The following TRIM2 variants were observed in gnomAD, a reference collection of about 807,000 sequenced individuals.
The protein encoded by TRIM2 is tripartite motif-containing protein 2.
Under a neutral mutation model 75.2 loss-of-function variants are expected in TRIM2, and 20 were observed. The ratio of observed to expected loss-of-function variants is 0.27; its 90% CI spans 0.19 to 0.39. The LOEUF (loss-of-function observed/expected upper bound fraction) is 0.39. Ranked by LOEUF, TRIM2 falls within the 10% of genes least tolerant of loss-of-function variation. The pLI is 1.00. For missense variants in TRIM2, 660 were observed against 990.8 expected (o/e 0.67, Z 4.48); for synonymous variants, 373 against 388.3 (o/e 0.96, Z 0.46).
At chr4:153,228,751 C>T (rs1314857797) in intron 1 of TRIM2, among the ~76,000 whole-genome samples, 1 of 152,270 alleles carries the variant, frequency 6.6e-6, no homozygotes, top group Non-Finnish European at 1.5e-5. Flanking sequence ...ACGCGGCAGT[C>T]ATAGTCATGT....
rs144406159 is a variant in TRIM2, at chr4:153,170,243, TA to T, written c.-49+16975del. ...TATACAGTAACTTTCATTCTGATTG[TA>T]ACAAACAAGTTAATCTACATTGACA... On this transcript the variant is annotated intron_variant, in intron 1 of 11. Coordinates refer to the TRIM2 transcript ENST00000437508. 4.5e-3 allele frequency among the ~76,000 whole-genome samples: 685 copies of T among 152,354 alleles called. 4 individuals are homozygous for T. The highest frequency in any genetic ancestry group is 7.3e-3 in the Non-Finnish European group (497 of 68,028).
At chr4:153,293,528 C>T (rs1033904005) in intron 4 of TRIM2, among the ~76,000 whole-genome samples, 3 of 152,196 alleles carry the variant, frequency 2.0e-5, no homozygotes, top group African/African-American at 7.2e-5. Context: ...TCCTTTCTGT[C>T]TGAGCTCTGC....
chr4:153,177,548 AG>A (rs1033166375), intron 1 of TRIM2, among the ~76,000 whole-genome samples: 15 of 152,252 alleles, frequency 9.9e-5, no homozygotes, highest in African/African-American at 3.6e-4. Flanking sequence ...TGGGAGGCTG[AG>A]GCAGGAGAAT....
chr4:153,190,174 T>A (rs1349918986), intron 1 of TRIM2, among the ~76,000 whole-genome samples: 1 of 152,144 alleles, frequency 6.6e-6, no homozygotes, highest in Non-Finnish European at 1.5e-5. Context: ...GATTCAAGAA[T>A]GAAGGGTGTT....
intron 1 of TRIM2, chr4:153,222,528 T>C (rs1284019858): frequency 1.3e-5 from 2 of 152,226 alleles, no homozygotes; most frequent in Non-Finnish European, 1.5e-5. Flanking sequence ...GTGTTTGTTT[T>C]CATGCTCTTT....
At chr4:153,189,272 C>A (rs1452043605) in intron 1 of TRIM2, among the ~76,000 whole-genome samples, 3 of 152,218 alleles carry the variant, frequency 2.0e-5, no homozygotes, top group African/African-American at 7.2e-5. Context: ...AGCAGGAAAT[C>A]TAATCCAAAA....
intron 1 of TRIM2, chr4:153,222,311 A>T (rs906669746): frequency 1.3e-5 from 2 of 152,170 alleles, no homozygotes; most frequent in African/African-American, 4.8e-5. Flanking sequence ...CAGCCCCGTC[A>T]AGCTGAACTC....
At chr4:153,283,637 T>C (rs1759860476) in intron 3 of TRIM2, among the ~76,000 whole-genome samples, 1 of 134,792 alleles carries the variant, frequency 7.4e-6, no homozygotes, top group Admixed American at 7.5e-5. Context: ...TCAACTGTTT[T>C]TTTTCTTTTT....
In TRIM2 at chr4:153,336,347, C is replaced by CA. The variant is rs5863039; in HGVS notation, c.*1392dup. The stretch of plus-strand genomic sequence containing the variant: ...GTCAGAAAATGGCCTTCTGTGCTTT[C>CA]AAAAAAAAAAACAAAAAAAAAACCA... On this transcript the variant is annotated 3_prime_UTR_variant, in exon 12 of 12. Coordinates refer to ENST00000338700, the MANE Select transcript of TRIM2 (RefSeq NM_015271.5). 0.012 allele frequency: 9,300 copies of CA among 760,132 alleles called. 1 individual carries two copies. The highest frequency in any genetic ancestry group is 0.014 in the Non-Finnish European group (8,649 of 634,036). 47.1% of individuals were successfully genotyped at this position (760,132 alleles called of 1,614,324 possible).
chr4:153,190,764 G>T (rs775627428), intron 1 of TRIM2, among the ~76,000 whole-genome samples: 2 of 152,082 alleles, frequency 1.3e-5, no homozygotes, highest in Non-Finnish European at 2.9e-5. Context: ...TTGAGATGGA[G>T]TCTCACTCTG....
intron 1 of TRIM2, among the ~76,000 whole-genome samples, chr4:153,173,682 A>T (rs1731110808): frequency 6.6e-6 from 1 of 151,022 alleles, no homozygotes; most frequent in Non-Finnish European, 1.5e-5. Flanking sequence ...AATAATAATA[A>T]TAAGGCCGGA....
intron 6 of TRIM2, among the ~76,000 whole-genome samples, chr4:153,296,881 T>C (rs1211721154): frequency 6.6e-6 from 1 of 152,232 alleles, no homozygotes; most frequent in East Asian, 1.9e-4. Flanking sequence ...CAATGCAGTA[T>C]CTCTGAAAGA....
At chr4:153,235,912 A>T (rs571570395) in intron 1 of TRIM2, among the ~76,000 whole-genome samples, 2 of 152,046 alleles carry the variant, frequency 1.3e-5, no homozygotes, top group South Asian at 4.2e-4. Context: ...GACCACCTAA[A>T]CTATGATTAC....
intron 3 of TRIM2, among the ~76,000 whole-genome samples, chr4:153,277,589 C>T (rs969133785): frequency 6.6e-6 from 1 of 152,144 alleles, no homozygotes; most frequent in Non-Finnish European, 1.5e-5. Context: ...TCCTTAAACC[C>T]CCCTCTGCAA....
Position 153,328,625 on chromosome 4 carries a change from A to C in TRIM2, c.2118A>C (p.Ser706=). The part of the protein sequence containing the change: ...FNAPTGVAVD[S]NGNIIVADWG... ...CTCCAACAGGTGTAGCAGTGGATTCAAATGGAAACATCATTGTGGCCGACT... is the reference window on the plus strand; with the variant it reads ...CTCCAACAGGTGTAGCAGTGGATTCCAATGGAAACATCATTGTGGCCGACT... The change falls in exon 11 of 12, where the codon TCA becomes TCC. Residue 706 remains serine, a synonymous_variant. Transcript: ENST00000338700. 1 of 1,611,982 alleles carries C rather than the reference A, an allele frequency of 6.2e-7. No homozygotes were observed. Among genetic ancestry groups the C allele is most frequent in the Non-Finnish European group, 8.5e-7 (1 of 1,179,100 alleles).
chr4:153,211,495 T>C (rs1251055703), intron 1 of TRIM2, among the ~76,000 whole-genome samples: 38 of 149,932 alleles, frequency 2.5e-4, no homozygotes, highest in Middle Eastern at 3.4e-3. Context: ...TTTCTTTTTT[T>C]TTTTTTTTTT....
chr4:153,251,281 G>C (rs1750816042), intron 1 of TRIM2, among the ~76,000 whole-genome samples: 1 of 152,142 alleles, frequency 6.6e-6, no homozygotes, highest in South Asian at 2.1e-4. Context: ...GGCCTCTTGG[G>C]GTCCAAACCA....
intron 8 of TRIM2, among the ~76,000 whole-genome samples, chr4:153,317,870 G>A (rs925783451): frequency 6.6e-6 from 1 of 152,156 alleles, no homozygotes; most frequent in Admixed American, 6.5e-5. Flanking sequence ...TGAGGTGGGA[G>A]GATTGCTTGA....
In TRIM2 at chr4:153,292,976, C is replaced by T. The variant is rs1033464128; in HGVS notation, c.454-6C>T. On this transcript the variant is annotated splice_region_variant and splice_polypyrimidine_tract_variant and intron_variant, in intron 3 of 11. Coordinates refer to ENST00000338700, the MANE Select transcript of TRIM2 (RefSeq NM_015271.5). ...GAACCAGGAACTTTTCTTGTGTCAT[C>T]CACAGGTGATGGAATTTTACTGCCA... is the stretch of plus-strand genomic sequence containing the variant. The T allele has an allele frequency of 2.5e-6, 4 of 1,603,294 alleles. No homozygotes were observed. In the African/African-American group the frequency reaches 5.3e-5, roughly 21 times the overall value.
Sources: gnomAD v4.1 joint callset for allele counts (sites outside exome capture counted in the v4.1 genomes callset) on GRCh38, gnomAD v4.1.1 for gene constraint, MANE v1.5 for transcripts, NCBI Gene and HGNC (gene_info 2026-07-23, HGNC 2026-07-21) for gene names.